NHSL1: variants seen among roughly 807,000 people sequenced by gnomAD.
NHSL1 encodes the protein NHS-like protein 1.
A neutral mutation model predicts 95.0 loss-of-function variants in NHSL1; 48 were observed. That is an observed-to-expected ratio of 0.51 (90% CI 0.40 to 0.64). The LOEUF is 0.64. Ranked by LOEUF, NHSL1 falls within the 30% of genes least tolerant of loss-of-function variation. NHSL1 has a pLI of 0.00. For missense variants in NHSL1, 1,971 were observed against 2,077.7 expected, an observed-to-expected ratio of 0.95 and a Z score of 1.00; for synonymous variants, 783 against 833.9, an observed-to-expected ratio of 0.94 and a Z score of 1.05.
chr6:138,580,991 T>C (rs745377526), intron 1 of NHSL1, among the ~76,000 whole-genome samples: 1 of 152,194 alleles, frequency 6.6e-6, no homozygotes, highest in Non-Finnish European at 1.5e-5. Context: ...GAGATCGAAG[T>C]GATTCAGCCA....
chr6:138,655,127 G>A (rs975947243), intron 1 of NHSL1, among the ~76,000 whole-genome samples: 1 of 152,084 alleles, frequency 6.6e-6, no homozygotes, highest in African/African-American at 2.4e-5. Context: ...GAAACTAAGA[G>A]GAATTAACAT....
intron 1 of NHSL1, among the ~76,000 whole-genome samples, chr6:138,653,592 C>A (rs1002484128): frequency 3.3e-5 from 5 of 152,038 alleles, no homozygotes; most frequent in Non-Finnish European, 7.4e-5. Context: ...TAACCTTTCA[C>A]AAAGTATTGT....
At chr6:138,571,098 G>A (rs1783823911) in intron 1 of NHSL1, among the ~76,000 whole-genome samples, 1 of 151,812 alleles carries the variant, frequency 6.6e-6, no homozygotes, top group Non-Finnish European at 1.5e-5. Context: ...ATGTCAGTCT[G>A]AAAAGAAACT....
intron 1 of NHSL1, among the ~76,000 whole-genome samples, chr6:138,648,018 C>T (rs72977122): frequency 0.068 from 10,284 of 152,188 alleles, 550 homozygotes; most frequent in East Asian, 0.26. Flanking sequence ...ATTATAACAG[C>T]GCTGCGTGAC....
intron 1 of NHSL1, among the ~76,000 whole-genome samples, chr6:138,623,580 T>C (rs1446645450): frequency 6.6e-6 from 1 of 152,204 alleles, no homozygotes; most frequent in Non-Finnish European, 1.5e-5. Flanking sequence ...TACATTGTTA[T>C]TAACTATAGA....
chr6:138,566,902 GACATTCAC>G, intron 1 of NHSL1, among the ~76,000 whole-genome samples: 1 of 152,106 alleles, frequency 6.6e-6, no homozygotes, highest in Non-Finnish European at 1.5e-5. Flanking sequence ...GCAAAACCAT[GACATTCAC>G]TGATCTCTTT....
intron 1 of NHSL1, chr6:138,651,075 C>A: frequency 2.7e-6 from 1 of 377,212 alleles, no homozygotes; most frequent in South Asian, 2.1e-5. Flanking sequence ...TGCCATAAAA[C>A]TCATCTGTTA....
At chr6:138,590,067 G>A (rs1404582435) in intron 1 of NHSL1, among the ~76,000 whole-genome samples, 4 of 152,122 alleles carry the variant, frequency 2.6e-5, no homozygotes, top group East Asian at 1.9e-4. Flanking sequence ...GTGCGATCTC[G>A]GCTCACTGCA....
intron 1 of NHSL1, among the ~76,000 whole-genome samples, chr6:138,585,492 A>C (rs537025003): frequency 1.3e-5 from 2 of 152,206 alleles, no homozygotes; most frequent in Non-Finnish European, 2.9e-5. Context: ...AAATAGCACA[A>C]ATATAGCTAC....
intron 1 of NHSL1, among the ~76,000 whole-genome samples, chr6:138,662,143 C>T (rs1347808187): frequency 7.6e-6 from 1 of 132,138 alleles, no homozygotes; most frequent in South Asian, 2.5e-4. Flanking sequence ...AGCTTTTTTT[C>T]AGAAAAAAAA....
intron 1 of NHSL1, among the ~76,000 whole-genome samples, chr6:138,676,207 C>G (rs1054340589): frequency 1.3e-5 from 2 of 152,036 alleles, no homozygotes; most frequent in Admixed American, 6.6e-5. Context: ...TCTGTACTTT[C>G]AGAATGGAAT....
At chr6:138,543,781 C>T (rs1042326229) in intron 1 of NHSL1, among the ~76,000 whole-genome samples, 5 of 152,184 alleles carry the variant, frequency 3.3e-5, no homozygotes, top group African/African-American at 1.2e-4. Context: ...CAAAGGACAA[C>T]TTAAAAATCA....
intron 1 of NHSL1, among the ~76,000 whole-genome samples, chr6:138,684,804 A>AT (rs1213852676): frequency 6.6e-6 from 1 of 152,214 alleles, no homozygotes; most frequent in Non-Finnish European, 1.5e-5. Context: ...TGAAACCGGC[A>AT]TGTGGAACAA....
intron 1 of NHSL1, among the ~76,000 whole-genome samples, chr6:138,529,643 C>T (rs1485887323): frequency 6.6e-6 from 1 of 152,216 alleles, no homozygotes; most frequent in Non-Finnish European, 1.5e-5. Flanking sequence ...AGCTTCCAAG[C>T]TCATTGTTGG....
chr6:138,619,152 A>G (rs990681449), intron 1 of NHSL1, among the ~76,000 whole-genome samples: 1 of 152,238 alleles, frequency 6.6e-6, no homozygotes, highest in Non-Finnish European at 1.5e-5. Flanking sequence ...AGCCCGGCCA[A>G]CATGGTGAAA....
In NHSL1 at chr6:138,611,606, C is replaced by T. The variant is rs1379558018; in HGVS notation, c.96+80870G>A. Among the ~76,000 whole-genome samples the T allele has an allele frequency of 4.6e-5, 7 of 151,980 alleles. No individual in the cohort carries two copies. In the East Asian group the frequency reaches 9.7e-4, roughly 21 times the overall value. Reference sequence around the variant, plus strand: ...TTAAAAATACAAAAAATTAGCTGGGCGCAGTGAGGGGCTCCTGTAGTCCCA... The same window carrying T: ...TTAAAAATACAAAAAATTAGCTGGGTGCAGTGAGGGGCTCCTGTAGTCCCA... On this transcript the variant is annotated intron_variant, in intron 1 of 3. Coordinates refer to the NHSL1 transcript ENST00000491526.
At chr6:138,678,780 T>C (rs1257461405) in intron 1 of NHSL1, among the ~76,000 whole-genome samples, 1 of 152,180 alleles carries the variant, frequency 6.6e-6, no homozygotes, top group African/African-American at 2.4e-5. Context: ...GAGGATTAAA[T>C]AAAATGGGCA....
chr6:138,574,693 GA>G (rs139784649), upstream of NHSL1, among the ~76,000 whole-genome samples: 20 of 144,180 alleles, frequency 1.4e-4, no homozygotes, highest in African/African-American at 4.8e-4. Flanking sequence ...AAAAAGAAAA[GA>G]AAAAAAGTTA....
chr6:138,464,168 C>T (rs1223732102), intron 3 of NHSL1: 1 of 632,236 alleles, frequency 1.6e-6, no homozygotes, highest in East Asian at 3.2e-5. Context: ...GGAAGCAGTA[C>T]AGTTATACCT....
Sources: gnomAD v4.1 joint callset for allele counts (sites outside exome capture counted in the v4.1 genomes callset) on GRCh38, gnomAD v4.1.1 for gene constraint, MANE v1.5 for transcripts, NCBI Gene and HGNC (gene_info 2026-07-23, HGNC 2026-07-21) for gene names.